Variants in ITPR1 observed in about 807,000 individuals in gnomAD.
ITPR1 encodes the protein inositol 1,4,5-trisphosphate-gated calcium channel ITPR1.
ITPR1 carries 96 observed loss-of-function variants against 318.4 expected under a neutral mutation model. The ratio of observed to expected loss-of-function variants is 0.30; its 90% confidence interval spans 0.26 to 0.36. The LOEUF is 0.36. Ranked by LOEUF, ITPR1 falls within the 10% of genes least tolerant of loss-of-function variation. The pLI is 1.00. For missense variants in ITPR1, 2,440 were observed against 3,460.2 expected (o/e 0.71, Z 7.40); for synonymous variants, 1,312 against 1,289.9 (o/e 1.02, Z -0.37).
At chr3:4,654,393 AG>A (rs1220562924) in intron 12 of ITPR1, among the ~76,000 whole-genome samples, 2 of 152,236 alleles carry the variant, frequency 1.3e-5, no homozygotes, top group Admixed American at 6.5e-5. Context: ...GGTCAGAAAT[AG>A]GCTTTAGTGT....
chr3:4,534,747 A>G (rs1277989308), intron 4 of ITPR1, among the ~76,000 whole-genome samples: 1 of 152,208 alleles, frequency 6.6e-6, no homozygotes, highest in African/African-American at 2.4e-5. Flanking sequence ...AAATGTTATC[A>G]GTGATGACAC....
intron 44 of ITPR1, among the ~76,000 whole-genome samples, chr3:4,736,154 T>G (rs533238010): frequency 6.6e-6 from 1 of 152,190 alleles, no homozygotes; most frequent in African/African-American, 2.4e-5. Flanking sequence ...GTTTTTTTTT[T>G]GGACGTGTAT....
In ITPR1 at chr3:4,622,109, C is replaced by CTTTT. The variant is rs894926425; in HGVS notation, c.164-5634_164-5631dup. Among the ~76,000 whole-genome samples, 59 of 105,846 alleles carry CTTTT rather than the reference C, an allele frequency of 5.6e-4. 2 individuals are homozygous for CTTTT. Among genetic ancestry groups the CTTTT allele is most frequent in the East Asian group, 1.3e-3 (4 of 3,092 alleles). The allele number at this position is 105,846 out of a possible 152,430, so 69.4% of individuals were successfully genotyped here. Reference sequence around the variant, plus strand: ...CAGTCTTGTACCAGCACATAGTAGACTTTTTTTTTTTTTTTTTTTTTTTGA... The same window carrying CTTTT: ...CAGTCTTGTACCAGCACATAGTAGACTTTTTTTTTTTTTTTTTTTTTTTTTTTGA... On this transcript the variant is annotated intron_variant, in intron 4 of 61. Transcript: ENST00000649015.
intron 59 of ITPR1, among the ~76,000 whole-genome samples, chr3:4,815,994 A>T (rs1200310525): frequency 6.8e-6 from 1 of 146,464 alleles, no homozygotes. Flanking sequence ...ATACACACAC[A>T]CACACACACA....
chr3:4,501,875 T>A (rs895157732), intron 2 of ITPR1, among the ~76,000 whole-genome samples: 1 of 152,254 alleles, frequency 6.6e-6, no homozygotes, highest in African/African-American at 2.4e-5. Flanking sequence ...GAGGAACTTA[T>A]GTTTTATCAT....
chr3:4,544,522 G>A (rs891934387), intron 4 of ITPR1, among the ~76,000 whole-genome samples: 1 of 152,194 alleles, frequency 6.6e-6, no homozygotes, highest in African/African-American at 2.4e-5. Context: ...TTATTGGCTT[G>A]CATCTGAGAA....
chr3:4,742,861 G>T (rs1455557258), intron 44 of ITPR1, among the ~76,000 whole-genome samples: 1 of 152,146 alleles, frequency 6.6e-6, no homozygotes, highest in Non-Finnish European at 1.5e-5. Context: ...TTTGCATAGT[G>T]GTTTATCATC....
intron 46 of ITPR1, among the ~76,000 whole-genome samples, chr3:4,772,469 C>T (rs1327554089): frequency 2.6e-5 from 4 of 152,254 alleles, no homozygotes; most frequent in Admixed American, 6.5e-5. Flanking sequence ...GCCTTGTTTA[C>T]AGTGGTCAGA....
At chr3:4,642,033 A>C (rs1439455214) in intron 6 of ITPR1, 60 bp from the exon 7 acceptor site, 1 of 1,366,774 alleles carries the variant, frequency 7.3e-7, no homozygotes, top group Non-Finnish European at 9.9e-7. Context: ...GATTGAGAGA[A>C]GGAATGGTAG....
chr3:4,553,362 G>A (rs1432205324), intron 4 of ITPR1, among the ~76,000 whole-genome samples: 2 of 152,204 alleles, frequency 1.3e-5, no homozygotes, highest in Admixed American at 6.5e-5. Context: ...TGAGGCTTAA[G>A]TGGTTTATTG....
intron 31 of ITPR1, among the ~76,000 whole-genome samples, chr3:4,689,727 T>TGTGGGTA (rs2094451469): frequency 6.6e-6 from 1 of 152,180 alleles, no homozygotes; most frequent in Non-Finnish European, 1.5e-5. Flanking sequence ...ATAAGCCTTC[T>TGTGGGTA]AGAAGGTAAC....
At chr3:4,657,304 C>T (rs1007707607) in intron 12 of ITPR1, among the ~76,000 whole-genome samples, 1 of 151,956 alleles carries the variant, frequency 6.6e-6, no homozygotes. Context: ...GTAGATGAAT[C>T]CAGCTGCCCA....
intron 44 of ITPR1, chr3:4,750,374 G>C (rs2044410637): frequency 6.6e-6 from 1 of 152,106 alleles, no homozygotes; most frequent in South Asian, 2.1e-4. Context: ...CTGGATTAAA[G>C]TCCTCAACCA....
At chr3:4,686,713 A>G (rs1333180109) in intron 30 of ITPR1, among the ~76,000 whole-genome samples, 4 of 152,218 alleles carry the variant, frequency 2.6e-5, no homozygotes, top group Admixed American at 6.5e-5. Flanking sequence ...CCCACAGGTA[A>G]TCTCTTGTGA....
intron 5 of ITPR1, among the ~76,000 whole-genome samples, chr3:4,631,446 T>C (rs1208613777): frequency 1.3e-5 from 2 of 152,234 alleles, no homozygotes; most frequent in East Asian, 3.8e-4. Flanking sequence ...AAATGGCCTG[T>C]GAAGTGTTCT....
At chr3:4,624,359 A>G (rs2092745964) in intron 4 of ITPR1, among the ~76,000 whole-genome samples, 2 of 152,188 alleles carry the variant, frequency 1.3e-5, no homozygotes, top group African/African-American at 4.8e-5. Flanking sequence ...GGCCCAACCC[A>G]GTTTCCCGAA....
At chr3:4,765,476 T>C (rs1298103220) in intron 44 of ITPR1, among the ~76,000 whole-genome samples, 1 of 152,014 alleles carries the variant, frequency 6.6e-6, no homozygotes, top group African/African-American at 2.4e-5. Flanking sequence ...GAATCAGGCA[T>C]TGGGGTGTGT....
chr3:4,807,087 G>T (rs1420230035), intron 55 of ITPR1, among the ~76,000 whole-genome samples: 1 of 104,742 alleles, frequency 9.5e-6, no homozygotes, highest in Non-Finnish European at 1.8e-5. Flanking sequence ...TACAAAGAGA[G>T]GGGGGCTTAC....
At chr3:4,695,821 C>A (rs146732195) in intron 33 of ITPR1, among the ~76,000 whole-genome samples, 1 of 152,132 alleles carries the variant, frequency 6.6e-6, no homozygotes, top group South Asian at 2.1e-4. Context: ...TCTACTGATG[C>A]TCATTTTAGT....
Sources: allele counts gnomAD v4.1 joint callset (sites outside exome capture counted in the v4.1 genomes callset), GRCh38; gene constraint gnomAD v4.1.1; transcripts MANE v1.5; gene names NCBI Gene and HGNC (gene_info 2026-07-23, HGNC 2026-07-21).